Variants in KCNH1 observed in about 807,000 individuals in gnomAD.
KCNH1 encodes voltage-gated delayed rectifier potassium channel KCNH1.
Under a neutral mutation model 69.2 loss-of-function variants are expected in KCNH1, and 27 were observed. The observed-to-expected ratio is 0.39, with a 90% CI of 0.29 to 0.54. KCNH1 has a LOEUF of 0.54. KCNH1 is among the 20% of genes least tolerant of loss of function. KCNH1 has a pLI of 0.68. For missense variants in KCNH1, 798 were observed against 1,261.6 expected, an observed-to-expected ratio of 0.63 and a Z score of 5.57; for synonymous variants, 456 against 487.7, an observed-to-expected ratio of 0.93 and a Z score of 0.86.
At chr1:210,903,127 T>C (rs568660065) in intron 7 of KCNH1, among the ~76,000 whole-genome samples, 1 of 152,152 alleles carries the variant, frequency 6.6e-6, no homozygotes, top group African/African-American at 2.4e-5. Context: ...TTTTTTCATC[T>C]GGCTAACTTA....
At chr1:210,869,818 C>T (rs931009245) in intron 7 of KCNH1, among the ~76,000 whole-genome samples, 1 of 152,048 alleles carries the variant, frequency 6.6e-6, no homozygotes, top group Non-Finnish European at 1.5e-5. Context: ...AAACTTCTAC[C>T]AGCCCTGTAT....
At chr1:210,730,730 A>C (rs1219802763) in intron 10 of KCNH1, among the ~76,000 whole-genome samples, 1 of 152,178 alleles carries the variant, frequency 6.6e-6, no homozygotes, top group Non-Finnish European at 1.5e-5. Flanking sequence ...ACCTGGCCCT[A>C]CGGAAAAGCT....
chr1:210,827,664 A>G (rs1256453990), intron 7 of KCNH1, among the ~76,000 whole-genome samples: 1 of 152,190 alleles, frequency 6.6e-6, no homozygotes, highest in African/African-American at 2.4e-5. Context: ...ACTAGGACAT[A>G]TTACATCATC....
At chr1:210,760,306 A>G (rs1253969551) in intron 10 of KCNH1, among the ~76,000 whole-genome samples, 1 of 152,216 alleles carries the variant, frequency 6.6e-6, no homozygotes, top group Non-Finnish European at 1.5e-5. Flanking sequence ...TGACCCTTTC[A>G]TAGTATTAGT....
At chr1:210,748,496 G>A (rs1683213417) in intron 10 of KCNH1, among the ~76,000 whole-genome samples, 1 of 152,200 alleles carries the variant, frequency 6.6e-6, no homozygotes, top group African/African-American at 2.4e-5. Context: ...GCATGTCAGA[G>A]TGAAACTTAC....
intron 7 of KCNH1, among the ~76,000 whole-genome samples, chr1:210,826,333 C>T (rs1462820022): frequency 6.6e-6 from 1 of 152,178 alleles, no homozygotes; most frequent in Non-Finnish European, 1.5e-5. Context: ...GAGCTATCTA[C>T]ACCCGTTCTC....
intron 5 of KCNH1, among the ~76,000 whole-genome samples, chr1:211,051,950 A>C (rs1161196485): frequency 6.6e-6 from 1 of 150,624 alleles, no homozygotes; most frequent in East Asian, 1.9e-4. Flanking sequence ...GCACTACGTC[A>C]TCCTGTCTCT....
At chr1:210,691,934 C>T (rs1427912347) in intron 10 of KCNH1, among the ~76,000 whole-genome samples, 1 of 152,242 alleles carries the variant, frequency 6.6e-6, no homozygotes, top group African/African-American at 2.4e-5. Context: ...CTGTTGGCCA[C>T]TTGTGACCTC....
At chr1:210,746,623 C>G (rs144085836) in intron 10 of KCNH1, among the ~76,000 whole-genome samples, 26,099 of 151,766 alleles carry the variant, frequency 0.17, 2,968 homozygotes, top group Non-Finnish European at 0.26. Flanking sequence ...TCTCAGCTCA[C>G]TGCAACCTCC....
At chr1:210,728,274 G>A (rs1464242209) in intron 10 of KCNH1, among the ~76,000 whole-genome samples, 2 of 152,124 alleles carry the variant, frequency 1.3e-5, no homozygotes, top group Non-Finnish European at 2.9e-5. Flanking sequence ...TGACAATCTT[G>A]GAGCCTGAGA....
At chr1:210,718,439 T>C in intron 10 of KCNH1, among the ~76,000 whole-genome samples, 1 of 7,938 alleles carries the variant, frequency 1.3e-4, no homozygotes. Flanking sequence ...TACATATATG[T>C]ATATATATAA....
At chr1:210,999,712 A>T (rs1689131325) in intron 6 of KCNH1, among the ~76,000 whole-genome samples, 1 of 152,196 alleles carries the variant, frequency 6.6e-6, no homozygotes, top group Admixed American at 6.5e-5. Flanking sequence ...ACACAGCAAC[A>T]AAAGAGAATT....
At chr1:210,867,360 C>T (rs895933231) in intron 7 of KCNH1, among the ~76,000 whole-genome samples, 14 of 116,732 alleles carry the variant, frequency 1.2e-4, no homozygotes, top group African/African-American at 3.7e-4. Flanking sequence ...CACACACACA[C>T]ACATATATAT....
intron 7 of KCNH1, among the ~76,000 whole-genome samples, chr1:210,899,160 T>C (rs1343330225): frequency 6.6e-6 from 1 of 152,310 alleles, no homozygotes; most frequent in African/African-American, 2.4e-5. Context: ...ATTATTTCCC[T>C]AATAAAACTA....
intron 10 of KCNH1, among the ~76,000 whole-genome samples, chr1:210,717,092 T>C (rs1682275811): frequency 6.6e-6 from 1 of 152,166 alleles, no homozygotes; most frequent in Non-Finnish European, 1.5e-5. Context: ...AAGTAGCCCT[T>C]CTTTGCCTCC....
chr1:210,987,183 G>C (rs544319687), intron 6 of KCNH1, among the ~76,000 whole-genome samples: 1 of 152,064 alleles, frequency 6.6e-6, no homozygotes, highest in African/African-American at 2.4e-5. Context: ...TTAGCCATTC[G>C]TCTAATTTTT....
At chr1:210,883,135 CA>C (rs1686531852) in intron 7 of KCNH1, among the ~76,000 whole-genome samples, 1 of 151,994 alleles carries the variant, frequency 6.6e-6, no homozygotes, top group Non-Finnish European at 1.5e-5. Context: ...GGGGAGGGAG[CA>C]TTTAGAAAAA....
At chr1:210,865,251 A>C (rs1686082682) in intron 7 of KCNH1, among the ~76,000 whole-genome samples, 1 of 152,252 alleles carries the variant, frequency 6.6e-6, no homozygotes, top group Admixed American at 6.5e-5. Flanking sequence ...GTCTGGAACA[A>C]ATATTTTCAT....
intron 10 of KCNH1, among the ~76,000 whole-genome samples, chr1:210,726,238 A>G (rs1330233071): frequency 2.0e-5 from 3 of 152,166 alleles, no homozygotes; most frequent in Admixed American, 6.6e-5. Flanking sequence ...CACTTGCCCA[A>G]CTTCTGAAAA....
Sources: allele counts gnomAD v4.1 joint callset (sites outside exome capture counted in the v4.1 genomes callset), GRCh38; gene constraint gnomAD v4.1.1; transcripts MANE v1.5; gene names NCBI Gene and HGNC (gene_info 2026-07-23, HGNC 2026-07-21).